PHTF2: variants seen among roughly 807,000 people sequenced by gnomAD.
PHTF2 encodes putative homeodomain transcription factor 2.
A neutral mutation model predicts 101.2 loss-of-function variants in PHTF2; 60 were observed. The ratio of observed to expected loss-of-function variants is 0.59; its 90% CI spans 0.48 to 0.73. The LOEUF is 0.73. Among genes scored for constraint, PHTF2 ranks in the 30% least tolerant of loss-of-function variants. The pLI is 0.00. For synonymous variants in PHTF2, 311 were observed against 307.3 expected (o/e 1.01, Z -0.13); for missense variants, 747 against 908.7 (o/e 0.82, Z 2.29).
chr7:77,829,570 A>G (rs1794930620), intron 1 of PHTF2, among the ~76,000 whole-genome samples: 1 of 152,226 alleles, frequency 6.6e-6, no homozygotes, highest in African/African-American at 2.4e-5. Context: ...ACATGATTAC[A>G]AAGTAGGAAC....
chr7:77,910,590 C>T (rs747156570), intron 9 of PHTF2, among the ~76,000 whole-genome samples, 181 bp downstream of exon 8: 5 of 152,002 alleles, frequency 3.3e-5, no homozygotes, highest in Non-Finnish European at 7.4e-5. Context: ...TTATTTGGCT[C>T]ATGTGTACAT....
chr7:77,862,640 A>G (rs1347845325), intron 3 of PHTF2, among the ~76,000 whole-genome samples: 1 of 152,242 alleles, frequency 6.6e-6, no homozygotes, highest in Non-Finnish European at 1.5e-5. Flanking sequence ...GGTATTGGAA[A>G]GAAAAATATT....
intron 1 of PHTF2, among the ~76,000 whole-genome samples, chr7:77,807,167 A>C (rs1302299350): frequency 6.6e-6 from 1 of 152,154 alleles, no homozygotes; most frequent in Non-Finnish European, 1.5e-5. Flanking sequence ...CACCTCTTGC[A>C]CATTGTGAAT....
intron 9 of PHTF2, among the ~76,000 whole-genome samples, chr7:77,917,211 T>C (rs1445165265): frequency 1.3e-5 from 2 of 152,220 alleles, no homozygotes; most frequent in Admixed American, 1.3e-4. Flanking sequence ...GCAATTAACC[T>C]TGCTATCCGA....
At chr7:77,956,603 T>C (rs1020177883) in exon 20 of PHTF2, 4 of 152,752 alleles carry the variant, frequency 2.6e-5, no homozygotes, top group African/African-American at 9.6e-5. Context: ...CTGATGTTTT[T>C]CCTTCCTCTA....
chr7:77,926,707 G>A (rs1293253674), intron 11 of PHTF2, among the ~76,000 whole-genome samples: 2 of 151,938 alleles, frequency 1.3e-5, no homozygotes, highest in Non-Finnish European at 1.5e-5. Flanking sequence ...AGTGGCTCAC[G>A]CCTGTAATCC....
intron 3 of PHTF2, among the ~76,000 whole-genome samples, chr7:77,880,886 C>T (rs556945857): frequency 3.3e-5 from 5 of 152,224 alleles, no homozygotes; most frequent in African/African-American, 1.2e-4. Context: ...ATTTAAATTC[C>T]GCTCCTGATC....
intron 16 of PHTF2, among the ~76,000 whole-genome samples, chr7:77,943,397 G>C (rs1205461993): frequency 6.6e-6 from 1 of 152,154 alleles, no homozygotes; most frequent in Non-Finnish European, 1.5e-5. Context: ...AAAGTGCTGG[G>C]ATTACAGGCG....
chr7:77,878,595 G>A (rs1799140847), intron 3 of PHTF2, among the ~76,000 whole-genome samples: 1 of 152,076 alleles, frequency 6.6e-6, no homozygotes, highest in South Asian at 2.1e-4. Flanking sequence ...TTTGGGAAGG[G>A]CTGTTATCAT....
chr7:77,942,491 G>T (rs1204259955), intron 15 of PHTF2, among the ~76,000 whole-genome samples: 5 of 152,144 alleles, frequency 3.3e-5, no homozygotes, highest in Non-Finnish European at 2.9e-5. Context: ...TATAAATATA[G>T]ATACCCTTTT....
intron 2 of PHTF2, among the ~76,000 whole-genome samples, chr7:77,853,716 C>T (rs576584064): frequency 2.0e-4 from 30 of 151,514 alleles, no homozygotes; most frequent in Admixed American, 8.5e-4. Flanking sequence ...ATTTTTTTTT[C>T]TCTCTCTCTC....
intron 9 of PHTF2, among the ~76,000 whole-genome samples, chr7:77,919,436 T>C (rs550672328): frequency 2.0e-5 from 3 of 152,372 alleles, no homozygotes; most frequent in Admixed American, 6.5e-5. Flanking sequence ...AAAAATGTTT[T>C]ATGATAGATA....
chr7:77,938,657 G>T (rs1176876491), intron 13 of PHTF2, among the ~76,000 whole-genome samples: 1 of 151,986 alleles, frequency 6.6e-6, no homozygotes, highest in African/African-American at 2.4e-5. Context: ...GGCGCCTGTA[G>T]TCCCAGCTAC....
chr7:77,879,556 C>T (rs1249773733), intron 3 of PHTF2, among the ~76,000 whole-genome samples: 1 of 152,148 alleles, frequency 6.6e-6, no homozygotes, highest in Non-Finnish European at 1.5e-5. Flanking sequence ...ATTTAAGTTA[C>T]TCTTCTGTCA....
chr7:77,944,367 C>T (rs557539942), intron 16 of PHTF2, among the ~76,000 whole-genome samples: 5 of 152,166 alleles, frequency 3.3e-5, no homozygotes, highest in South Asian at 2.1e-4. Flanking sequence ...CAGCACTGGA[C>T]GACAAGAAGG....
chr7:77,922,965 G>C, intron 11 of PHTF2, 187 bp downstream of exon 10: 1 of 1,303,404 alleles, frequency 7.7e-7, no homozygotes, highest in South Asian at 2.3e-5. Flanking sequence ...TGTATTGATA[G>C]ATAGCCACAC....
At chr7:77,836,978 A>T (rs1423000335) in intron 1 of PHTF2, among the ~76,000 whole-genome samples, 1 of 151,790 alleles carries the variant, frequency 6.6e-6, no homozygotes, top group East Asian at 1.9e-4. Context: ...AAAAAGCAAA[A>T]AAAAAAAAAA....
rs182771408 is a variant in PHTF2, at chr7:77,815,546, G to T, written c.-36+16575G>T. ...TTATACAAAATTTAGGAAAATAGCG[G>T]CCATAGAGCCCCTTTTCCACAGTTT... On this transcript the variant is annotated intron_variant, in intron 1 of 19. Transcript: ENST00000416283. Among the ~76,000 whole-genome samples, 10 of 152,324 alleles carry T rather than the reference G, an allele frequency of 6.6e-5. No individual in the cohort carries two copies. The East Asian group carries it at 1.9e-3, about 29-fold the overall frequency.
Position 77,940,589 on chromosome 7 carries a change from A to T in PHTF2, c.1802A>T (p.Glu601Val), listed in dbSNP as rs1386779216. 6.2e-7 allele frequency: 1 copy of T among 1,606,958 alleles called. No homozygotes were observed. The highest frequency in any genetic ancestry group is 8.5e-7 in the Non-Finnish European group (1 of 1,174,700). Residue 601 changes from glutamate to valine, a missense_variant, in exon 15 of 20, where the codon GAG becomes GTG. This residue lies in a region of PHTF2 where 188 missense variants were observed against 286.5 expected (regional missense o/e 0.66). Coordinates refer to ENST00000416283, the Ensembl canonical transcript of PHTF2. ...TCTGCAAGGAGGGCTCGAAAATCTG[A>T]GGTTCCTCATTTCCGGTTGAAGAAA...
Sources: gnomAD v4.1 joint callset for allele counts (sites outside exome capture counted in the v4.1 genomes callset) on GRCh38, gnomAD v4.1.1 for gene constraint, gnomAD v4.1.1 regional missense constraint, MANE v1.5 for transcripts, NCBI Gene and HGNC (gene_info 2026-07-23, HGNC 2026-07-21) for gene names.